SLC35F1: variants seen among roughly 807,000 people sequenced by gnomAD.
The protein encoded by SLC35F1 is solute carrier family 35 member F1, also known as chromosome 6 open reading frame 169.
SLC35F1 carries 14 observed loss-of-function variants against 48.7 expected under a neutral mutation model. The ratio of observed to expected loss-of-function variants is 0.29; its 90% CI spans 0.19 to 0.45. SLC35F1 has a LOEUF of 0.45. Among genes scored for constraint, SLC35F1 ranks in the 20% least tolerant of loss-of-function variants. SLC35F1 has a pLI of 1.00. For synonymous variants in SLC35F1, 190 were observed against 202.2 expected (o/e 0.94, Z 0.51); for missense variants, 404 against 500.0 (o/e 0.81, Z 1.83).
intron 3 of SLC35F1, among the ~76,000 whole-genome samples, chr6:118,246,053 C>A (rs937910278): frequency 6.6e-6 from 1 of 152,166 alleles, no homozygotes; most frequent in Non-Finnish European, 1.5e-5. Flanking sequence ...TTCCTCATCT[C>A]CCATCCTCCT....
Position 117,907,601 on chromosome 6 carries a change from G to C in SLC35F1, c.-126G>C, listed in dbSNP as rs1234654403. 1.9e-5 allele frequency: 9 copies of C among 482,188 alleles called. No individual in the cohort carries two copies. Among genetic ancestry groups the C allele is most frequent in the Non-Finnish European group, 2.7e-5 (8 of 292,804 alleles). The allele number at this position is 482,188 out of a possible 1,614,324, so 29.9% of individuals were successfully genotyped here. ...GGGTGCCTCCCCGCCTCACCGCTTC[G>C]CAGGCAGCACCGCCTCCCGGGCCGC... On this transcript the variant is annotated 5_prime_UTR_variant, in exon 1 of 8. Transcript: ENST00000360388.
intron 1 of SLC35F1, among the ~76,000 whole-genome samples, chr6:117,975,085 C>A (rs1344590437): frequency 6.6e-6 from 1 of 152,212 alleles, no homozygotes; most frequent in African/African-American, 2.4e-5. Context: ...CATTAGGAAT[C>A]CATAGCCTCT....
chr6:118,272,006 G>T (rs1775857566), intron 4 of SLC35F1, among the ~76,000 whole-genome samples: 1 of 152,202 alleles, frequency 6.6e-6, no homozygotes, highest in Admixed American at 6.5e-5. Context: ...AAGTGATAGA[G>T]ATGTGATCAG....
intron 1 of SLC35F1, among the ~76,000 whole-genome samples, chr6:117,998,413 C>T (rs1777034041): frequency 6.6e-6 from 1 of 152,154 alleles, no homozygotes; most frequent in South Asian, 2.1e-4. Context: ...CTCAGCTCTG[C>T]ACCAAGTGGA....
chr6:118,205,831 A>T (rs1288002797), intron 2 of SLC35F1, among the ~76,000 whole-genome samples: 1 of 152,226 alleles, frequency 6.6e-6, no homozygotes, highest in Non-Finnish European at 1.5e-5. Flanking sequence ...CATATATGAT[A>T]CAATATGGAC....
At chr6:118,308,011 C>T (rs537475957) in intron 7 of SLC35F1, among the ~76,000 whole-genome samples, 99 of 152,320 alleles carry the variant, frequency 6.5e-4, no homozygotes, top group African/African-American at 2.3e-3. Context: ...TTCATTTCTT[C>T]GAAGACAGTT....
At chr6:118,086,339 C>T (rs1772989627) in intron 1 of SLC35F1, among the ~76,000 whole-genome samples, 1 of 152,180 alleles carries the variant, frequency 6.6e-6, no homozygotes, top group Non-Finnish European at 1.5e-5. Context: ...TCTGTGCTTT[C>T]TCAAAGGTCA....
chr6:118,212,821 C>T (rs556984964), intron 2 of SLC35F1, among the ~76,000 whole-genome samples: 45 of 150,818 alleles, frequency 3.0e-4, no homozygotes, highest in Non-Finnish European at 5.3e-4. Context: ...TCCAAATTCT[C>T]AGCAGCACTA....
chr6:118,155,475 T>C (rs1477966603), intron 2 of SLC35F1, among the ~76,000 whole-genome samples: 1 of 152,206 alleles, frequency 6.6e-6, no homozygotes, highest in Non-Finnish European at 1.5e-5. Context: ...TGCCCTCTCC[T>C]GCTCTCTCAT....
chr6:117,909,520 G>C (rs899810547), intron 1 of SLC35F1, among the ~76,000 whole-genome samples: 1 of 152,114 alleles, frequency 6.6e-6, no homozygotes, highest in Admixed American at 6.5e-5. Context: ...GGAGTGAGGG[G>C]TATGTTGTCA....
intron 1 of SLC35F1, among the ~76,000 whole-genome samples, chr6:118,125,800 A>G (rs1176857587): frequency 6.6e-6 from 1 of 152,132 alleles, no homozygotes; most frequent in Non-Finnish European, 1.5e-5. Context: ...GAAAAGGCAT[A>G]TTTAATATGT....
chr6:118,038,517 G>T (rs1248120607), intron 1 of SLC35F1, among the ~76,000 whole-genome samples: 2 of 147,750 alleles, frequency 1.4e-5, no homozygotes, highest in African/African-American at 2.5e-5. Context: ...AAGAACATGA[G>T]GTGTCTTTCC....
chr6:117,921,513 T>C (rs747191195), intron 1 of SLC35F1, among the ~76,000 whole-genome samples: 4 of 152,268 alleles, frequency 2.6e-5, no homozygotes, highest in Non-Finnish European at 4.4e-5. Flanking sequence ...TTCTATTTTA[T>C]ATAAAAAATT....
intron 1 of SLC35F1, among the ~76,000 whole-genome samples, chr6:118,046,927 CCA>C (rs752665368): frequency 6.8e-6 from 1 of 147,950 alleles, no homozygotes; most frequent in Non-Finnish European, 1.5e-5. Context: ...TTGATTTTAT[CCA>C]CAGTTTTCAA....
chr6:118,241,056 T>C (rs767894608), intron 3 of SLC35F1, among the ~76,000 whole-genome samples: 12 of 152,230 alleles, frequency 7.9e-5, no homozygotes, highest in Admixed American at 7.8e-4. Flanking sequence ...AAGCAATAGG[T>C]ACTCTAAAGG....
At chr6:118,272,947 A>G (rs943216731) in intron 4 of SLC35F1, among the ~76,000 whole-genome samples, 27 of 148,972 alleles carry the variant, frequency 1.8e-4, no homozygotes, top group African/African-American at 3.3e-4. Flanking sequence ...GGATAAAATT[A>G]TGTTCTGGTT....
rs77617893 is a variant in SLC35F1, at chr6:118,044,342, C to A, written c.174-110103C>A. ...CCTGTCTGCCATCGCCCTTTCCTCC[C>A]ACCTGGGCTTCCTGTCTTTCTTCCT... On this transcript the variant is annotated intron_variant, in intron 1 of 7. Transcript: ENST00000360388. 1.5e-4 allele frequency among the ~76,000 whole-genome samples: 23 copies of A among 152,338 alleles called. No individual in the cohort carries two copies. In the East Asian group the frequency reaches 4.1e-3, roughly 27 times the overall value.
intron 1 of SLC35F1, among the ~76,000 whole-genome samples, chr6:118,000,513 G>A (rs532666961): frequency 4.3e-4 from 65 of 152,228 alleles, no homozygotes; most frequent in African/African-American, 1.4e-3. Flanking sequence ...GCAAAAACTG[G>A]AAGCATTCCC....
intron 7 of SLC35F1, among the ~76,000 whole-genome samples, chr6:118,307,756 C>A (rs1021961672): frequency 6.6e-6 from 1 of 152,166 alleles, no homozygotes; most frequent in African/African-American, 2.4e-5. Context: ...GCAATTGGCT[C>A]GGGCCCAGTG....
Sources: allele counts gnomAD v4.1 joint callset (sites outside exome capture counted in the v4.1 genomes callset), GRCh38; gene constraint gnomAD v4.1.1; transcripts MANE v1.5; gene names NCBI Gene and HGNC (gene_info 2026-07-23, HGNC 2026-07-21).